The following PLCE1 variants were observed in gnomAD, a reference collection of about 807,000 sequenced individuals.
PLCE1 encodes 1-phosphatidylinositol 4,5-bisphosphate phosphodiesterase epsilon-1.
A neutral mutation model predicts 242.8 loss-of-function variants in PLCE1; 119 were observed. That is an observed-to-expected ratio of 0.49 (90% CI 0.42 to 0.57). The LOEUF is 0.57. Among genes scored for constraint, PLCE1 ranks in the 20% least tolerant of loss-of-function variants. PLCE1 has a pLI of 0.00. For synonymous variants in PLCE1, 945 were observed against 1,017.4 expected (o/e 0.93, Z 1.35); for missense variants, 2,441 against 2,788.8 (o/e 0.88, Z 2.81).
At position 94,060,604 on chromosome 10, in the gene PLCE1, T is replaced by G. The variant is rs2044022981; in HGVS notation, c.1206+28352T>G. 3.9e-5 allele frequency among the ~76,000 whole-genome samples: 6 copies of G among 152,210 alleles called. No homozygotes were observed. In the South Asian group the frequency reaches 1.2e-3, roughly 32 times the overall value. ...ATTTATATTGAACTCCTAGACTCTC[T>G]GATTGCAAAGTAGGAAATATTTTTT... On this transcript the variant is annotated intron_variant, in intron 2 of 32. Coordinates refer to ENST00000371380, the MANE Select transcript of PLCE1 (RefSeq NM_016341.4).
Position 94,315,534 on chromosome 10 carries a change from C to T in PLCE1, c.6133-1013C>T, listed in dbSNP as rs140442339. 2,360 of 455,312 alleles carry T rather than the reference C, an allele frequency of 5.2e-3. 59 individuals are homozygous for T. Among genetic ancestry groups the T allele is most frequent in the African/African-American group, 0.042 (2,098 of 50,094 alleles). The allele number at this position is 455,312 out of a possible 1,614,324, so 28.2% of individuals were successfully genotyped here. On this transcript the variant is annotated intron_variant, in intron 28 of 32. Transcript: ENST00000371380. Reference sequence around the variant, plus strand: ...CTGTAATCCCGGCACTTTGGGAGGCCGAGGCGGGCAGATCACTTGAGGTCA... The same window carrying T: ...CTGTAATCCCGGCACTTTGGGAGGCTGAGGCGGGCAGATCACTTGAGGTCA...
intron 2 of PLCE1, among the ~76,000 whole-genome samples, chr10:94,038,110 T>A (rs2061699037): frequency 6.6e-6 from 1 of 152,130 alleles, no homozygotes; most frequent in Non-Finnish European, 1.5e-5. Flanking sequence ...GACCAGAGAC[T>A]CAAGCTGCCC....
At chr10:94,313,230 T>C (rs775877686) in intron 27 of PLCE1, 24 bp from the exon 28 acceptor site, 1 of 1,613,478 alleles carries the variant, frequency 6.2e-7, no homozygotes, top group South Asian at 1.1e-5. Flanking sequence ...GGATGAATGA[T>C]CAGCCATGTG....
At chr10:94,284,019 C>A in intron 21 of PLCE1, 108 bp downstream of exon 21, 1 of 1,337,842 alleles carries the variant, frequency 7.5e-7, no homozygotes, top group Non-Finnish European at 1.1e-6. Flanking sequence ...TTTCCCCTCA[C>A]TTTCCCTTAG....
intron 2 of PLCE1, among the ~76,000 whole-genome samples, chr10:94,101,695 G>T (rs919851820): frequency 1.3e-5 from 2 of 152,216 alleles, no homozygotes; most frequent in Non-Finnish European, 2.9e-5. Flanking sequence ...CAGCAGGAGT[G>T]AGTCAGAGAG....
rs1332419858 is a variant in PLCE1 at position 94,031,961 on chromosome 10, T to A, written c.915T>A (p.Asp305Glu). The A allele has an allele frequency of 6.2e-7, 1 of 1,613,696 alleles. No homozygotes were observed. The highest frequency in any genetic ancestry group is 8.5e-7 in the Non-Finnish European group (1 of 1,179,782). ...TGAGCCATTTTGAGGACTTCCCTGATAATTGTGATGATGTAGAAGAAGACG... is the reference window on the plus strand; with the variant it reads ...TGAGCCATTTTGAGGACTTCCCTGAAAATTGTGATGATGTAGAAGAAGACG... ...TFLSHFEDFPDNCDDVEEDAF... is the reference protein window; with the variant it reads ...TFLSHFEDFPENCDDVEEDAF... The change falls in exon 2 of 33, where the codon GAT becomes GAA. Residue 305 changes from aspartate to glutamate, a missense_variant. By Grantham distance (45) the Asp-to-Glu change is conservative. Coordinates refer to ENST00000371380, the MANE Select transcript of PLCE1 (RefSeq NM_016341.4).
rs116681472 is a variant in PLCE1, at chr10:94,127,422, T to C, written c.1207-4752T>C. Among the ~76,000 whole-genome samples, 1,028 of 152,298 alleles carry C rather than the reference T, an allele frequency of 6.7e-3. 19 individuals are homozygous for C. Among genetic ancestry groups the C allele is most frequent in the African/African-American group, 0.023 (944 of 41,554 alleles). The stretch of plus-strand genomic sequence containing the variant: ...ACAGGGGTGACTGGGCCATGGTCTT[T>C]CATCCTCCCGCAATCTAGTTCAGGC... On this transcript the variant is annotated intron_variant, in intron 2 of 32. Transcript: ENST00000371380.
Position 94,048,748 on chromosome 10 carries a change from C to CAT in PLCE1, c.1206+16504_1206+16505dup, listed in dbSNP as rs199742503. Reference sequence around the variant, plus strand: ...ATATGCACATATATGTATATACACACATATATATAGAGAGAGAGAGAGGGA... The same window carrying CAT: ...ATATGCACATATATGTATATACACACATATATATATAGAGAGAGAGAGAGGGA... On this transcript the variant is annotated intron_variant, in intron 2 of 32. Coordinates refer to ENST00000371380, the MANE Select transcript of PLCE1 (RefSeq NM_016341.4). Among the ~76,000 whole-genome samples the CAT allele has an allele frequency of 9.6e-3, 1,408 of 147,288 alleles. 17 individuals carry two copies. Among genetic ancestry groups the CAT allele is most frequent in the African/African-American group, 0.032 (1,304 of 40,156 alleles).
intron 7 of PLCE1, 147 bp from the exon 8 acceptor site, chr10:94,245,799 T>A (rs1589412003): frequency 9.6e-6 from 7 of 725,990 alleles, no homozygotes; most frequent in Non-Finnish European, 1.7e-5. Context: ...TATTAGAAGT[T>A]ACTGTGTGCT....
At position 94,246,550 on chromosome 10, in the gene PLCE1, G is replaced by T. The variant is rs749025597; in HGVS notation, c.3025G>T (p.Val1009Leu). The T allele has an allele frequency of 5.0e-6, 8 of 1,614,054 alleles. No homozygotes were observed. The highest frequency in any genetic ancestry group is 6.8e-6 in the Non-Finnish European group (8 of 1,180,004). The change falls in exon 8 of 33, where the codon GTG (valine) becomes TTG (leucine). Residue 1009 changes from valine to leucine, a missense_variant. Physicochemically the swap from Val to Leu is conservative, Grantham distance 32. Coordinates refer to ENST00000371380, the MANE Select transcript of PLCE1 (RefSeq NM_016341.4). ...CGGATTATTGGAACTCACTAGAGCT[G>T]TGAGAAAGATGAGGAAATTCCCTGA... ...FSGLLELTRA[V>L]RKMRKFPDQR...
chr10:94,227,169 G>A (rs558205428), intron 4 of PLCE1, 137 bp from the exon 5 acceptor site: 29 of 786,370 alleles, frequency 3.7e-5, no homozygotes, highest in South Asian at 1.2e-4. Context: ...GAACCACCAC[G>A]CCCAGCCAGG....
At chr10:94,087,458 A>G (rs2044874923) in intron 2 of PLCE1, among the ~76,000 whole-genome samples, 1 of 150,810 alleles carries the variant, frequency 6.6e-6, no homozygotes, top group African/African-American at 2.4e-5. Context: ...TTTCTTTTGT[A>G]GAGAGAGGGT....
At chr10:94,018,294 C>G (rs905719624) in intron 1 of PLCE1, among the ~76,000 whole-genome samples, 1 of 152,178 alleles carries the variant, frequency 6.6e-6, no homozygotes, top group Non-Finnish European at 1.5e-5. Context: ...TCTTCCCCCT[C>G]GTTGCCAGGC....
At chr10:94,033,096 A>G (rs1455887239) in intron 2 of PLCE1, among the ~76,000 whole-genome samples, 1 of 152,106 alleles carries the variant, frequency 6.6e-6, no homozygotes, top group Non-Finnish European at 1.5e-5. Flanking sequence ...GGGAAGATGC[A>G]TGTATGTTAT....
rs1475690936 is a variant in PLCE1 at position 94,298,800 on chromosome 10, T to C, written c.5458+131T>C. On this transcript the variant is annotated intron_variant, in intron 24 of 32. Coordinates refer to ENST00000371380, the MANE Select transcript of PLCE1 (RefSeq NM_016341.4). The surrounding 1 kb of genome is among the most constrained non-coding windows in gnomAD (Gnocchi z 5.2). The stretch of plus-strand genomic sequence containing the variant: ...ATATGTGAGAGTAAAAATATGATGA[T>C]GGAAAACAGAAGTGAATTTGATACT... 1.4e-5 allele frequency: 13 copies of C among 924,284 alleles called. No individual in the cohort carries two copies. The highest frequency in any genetic ancestry group is 2.1e-5 in the Non-Finnish European group (12 of 571,294). The allele number at this position is 924,284 out of a possible 1,614,324, so 57.3% of individuals were successfully genotyped here.
intron 2 of PLCE1, among the ~76,000 whole-genome samples, chr10:94,128,582 C>T (rs916794780): frequency 2.0e-5 from 3 of 152,142 alleles, no homozygotes; most frequent in Non-Finnish European, 4.4e-5. Flanking sequence ...TGAAATATTA[C>T]TTAATATATA....
At chr10:94,222,700 C>T (rs1193716827) in intron 4 of PLCE1, among the ~76,000 whole-genome samples, 1 of 152,160 alleles carries the variant, frequency 6.6e-6, no homozygotes, top group African/African-American at 2.4e-5. Context: ...TCTTCCCATC[C>T]TGGCTTGTGT....
intron 4 of PLCE1, among the ~76,000 whole-genome samples, chr10:94,224,213 G>C (rs1040944214): frequency 6.6e-6 from 1 of 152,130 alleles, no homozygotes; most frequent in African/African-American, 2.4e-5. Flanking sequence ...GGAACAGTTG[G>C]TTTAAATTAG....
At chr10:94,089,326 T>C (rs2135343847) in intron 2 of PLCE1, 1 of 1,613,666 alleles carries the variant, frequency 6.2e-7, no homozygotes, top group Non-Finnish European at 8.5e-7. Flanking sequence ...GGTACCCAAT[T>C]TTACCTTGTT....
Sources: allele counts gnomAD v4.1 joint callset (sites outside exome capture counted in the v4.1 genomes callset), GRCh38; gene constraint gnomAD v4.1.1; non-coding constraint Gnocchi (gnomAD v3.1); transcripts MANE v1.5; gene names NCBI Gene and HGNC (gene_info 2026-07-23, HGNC 2026-07-21).